The following TECRL variants were observed in gnomAD, a reference collection of about 807,000 sequenced individuals.
The protein encoded by TECRL is trans-2,3-enoyl-CoA reductase like.
TECRL carries 63 observed loss-of-function variants against 52.8 expected under a neutral mutation model. That is an observed-to-expected ratio of 1.19 (90% CI 0.97 to 1.47). TECRL has a LOEUF of 1.47. TECRL is among the 40% of genes most tolerant of loss of function. TECRL has a pLI of 0.00. For synonymous variants in TECRL, 164 were observed against 141.9 expected (o/e 1.16, Z -1.10); for missense variants, 482 against 429.6 (o/e 1.12, Z -1.08).
chr4:64,404,724 A>G (rs7678297), intron 1 of TECRL, among the ~76,000 whole-genome samples: 139,871 of 152,102 alleles, frequency 0.92, 65,388 homozygotes, highest in East Asian at 1. Flanking sequence ...TTGTTTTCAG[A>G]ATAAGCTGGG....
intron 2 of TECRL, among the ~76,000 whole-genome samples, chr4:64,374,596 G>C (rs1722254999): frequency 6.7e-6 from 1 of 149,164 alleles, no homozygotes; most frequent in African/African-American, 2.5e-5. Context: ...GGTGTGTGAT[G>C]TTCCCCTTCC....
chr4:64,388,472 G>T (rs146613047), intron 1 of TECRL, among the ~76,000 whole-genome samples: 1 of 151,848 alleles, frequency 6.6e-6, no homozygotes, highest in East Asian at 1.9e-4. Context: ...CTTCAACCTG[G>T]TTCTTATTTG....
chr4:64,404,402 A>G (rs1724575526), intron 1 of TECRL, among the ~76,000 whole-genome samples: 3 of 152,020 alleles, frequency 2.0e-5, no homozygotes, highest in Admixed American at 2.0e-4. Flanking sequence ...CTGACATTTT[A>G]CAAGAAAGAA....
intron 1 of TECRL, among the ~76,000 whole-genome samples, chr4:64,376,571 C>T (rs1365180686): frequency 6.6e-6 from 1 of 151,402 alleles, no homozygotes; most frequent in African/African-American, 2.4e-5. Flanking sequence ...GTTGTTTTAT[C>T]TCAATGTTTC....
intron 2 of TECRL, among the ~76,000 whole-genome samples, chr4:64,366,075 A>T (rs1028158389): frequency 6.6e-6 from 1 of 152,042 alleles, no homozygotes; most frequent in Non-Finnish European, 1.5e-5. Context: ...CCAGAAAAAA[A>T]GCCACACAAA....
intron 7 of TECRL, 140 bp downstream of exon 7, chr4:64,305,026 A>G (rs1724245968): frequency 3.5e-6 from 2 of 574,276 alleles, no homozygotes; most frequent in Non-Finnish European, 5.9e-6. Context: ...GCCTACATAA[A>G]CATTTAAAGA....
intron 1 of TECRL, among the ~76,000 whole-genome samples, chr4:64,376,914 A>G (rs1722437534): frequency 6.6e-6 from 1 of 152,012 alleles, no homozygotes; most frequent in Non-Finnish European, 1.5e-5. Context: ...TGTAGAAGTC[A>G]AAAATAAAGC....
At chr4:64,324,494 TAA>T (rs1198656219) in intron 3 of TECRL, among the ~76,000 whole-genome samples, 20 of 151,866 alleles carry the variant, frequency 1.3e-4, no homozygotes, top group Non-Finnish European at 2.8e-4. Flanking sequence ...TTGAAATAAA[TAA>T]AAAAAGTTAA....
intron 2 of TECRL, among the ~76,000 whole-genome samples, chr4:64,341,930 C>T (rs1215283449): frequency 7.7e-6 from 1 of 129,742 alleles, no homozygotes; most frequent in Non-Finnish European, 1.6e-5. Context: ...TGATCCAACA[C>T]TCACTCACAC....
intron 1 of TECRL, among the ~76,000 whole-genome samples, chr4:64,394,974 A>G (rs1268503772): frequency 7.1e-6 from 1 of 139,940 alleles, no homozygotes; most frequent in African/African-American, 2.8e-5. Context: ...GTGCAGTGGC[A>G]CAATCTCAGC....
chr4:64,299,861 A>G, intron 8 of TECRL, 113 bp downstream of exon 8: 1 of 387,386 alleles, frequency 2.6e-6, no homozygotes, highest in Non-Finnish European at 4.6e-6. Context: ...CATTATGTAT[A>G]TTATATAAAT....
rs143044264 is a variant in TECRL, at chr4:64,306,423, C to T, written c.658-1185G>A. The stretch of plus-strand genomic sequence containing the variant: ...CCTTTGGACTGGCTCCAGTCCCTGA[C>T]ACCCCATTAGGGTGTTGGATAAAGA... On this transcript the variant is annotated intron_variant, in intron 6 of 11. Coordinates refer to ENST00000381210, the MANE Select transcript of TECRL (RefSeq NM_001010874.5). Among the ~76,000 whole-genome samples, 827 of 152,278 alleles carry T rather than the reference C, an allele frequency of 5.4e-3. 5 individuals carry two copies. Among genetic ancestry groups the T allele is most frequent in the African/African-American group, 0.019 (785 of 41,542 alleles).
intron 2 of TECRL, among the ~76,000 whole-genome samples, chr4:64,333,442 A>G (rs1718794617): frequency 6.6e-6 from 1 of 152,210 alleles, no homozygotes; most frequent in Admixed American, 6.5e-5. Flanking sequence ...CGATGAGATG[A>G]TGAAATAAAT....
chr4:64,333,304 GAAAATGT>G (rs371866538), intron 2 of TECRL, among the ~76,000 whole-genome samples: 69 of 152,082 alleles, frequency 4.5e-4, no homozygotes, highest in Middle Eastern at 6.9e-3. Flanking sequence ...ACTATTGAAA[GAAAATGT>G]AAAATAAGGA....
intron 3 of TECRL, among the ~76,000 whole-genome samples, chr4:64,327,059 G>GT (rs545440600): frequency 6.6e-6 from 1 of 151,934 alleles, no homozygotes; most frequent in Admixed American, 6.6e-5. Context: ...GATTTAAGTG[G>GT]TTTTTTTAGT....
intron 2 of TECRL, among the ~76,000 whole-genome samples, chr4:64,369,688 T>G (rs1022739196): frequency 7.9e-5 from 12 of 151,988 alleles, no homozygotes; most frequent in Non-Finnish European, 1.8e-4. Context: ...ATATAATATT[T>G]CTTTAAAGAT....
chr4:64,310,993 T>A (rs542937755), intron 5 of TECRL, among the ~76,000 whole-genome samples: 3 of 152,300 alleles, frequency 2.0e-5, no homozygotes, highest in African/African-American at 7.2e-5. Context: ...CTGCTAGGAT[T>A]ACAGGCATGA....
At chr4:64,300,143 A>G in intron 7 of TECRL, 126 bp from the exon 8 acceptor site, 2 of 552,992 alleles carry the variant, frequency 3.6e-6, no homozygotes, top group Middle Eastern at 3.7e-4. Context: ...CTAGTATGTA[A>G]TTCACCTTTT....
chr4:64,309,987 T>A, intron 5 of TECRL, 56 bp from the exon 6 acceptor site: 1 of 1,102,394 alleles, frequency 9.1e-7, no homozygotes, highest in Non-Finnish European at 1.3e-6. Flanking sequence ...CTGGCTTGCC[T>A]CATGCATGAT....
Sources: gnomAD v4.1 joint callset for allele counts (sites outside exome capture counted in the v4.1 genomes callset) on GRCh38, gnomAD v4.1.1 for gene constraint, MANE v1.5 for transcripts, NCBI Gene and HGNC (gene_info 2026-07-23, HGNC 2026-07-21) for gene names.